The following CASP6 variants were observed in gnomAD, a reference collection of about 807,000 sequenced individuals.
CASP6 encodes caspase-6.
In CASP6, 20 loss-of-function variants were observed where a neutral mutation model predicts 31.8. The ratio of observed to expected loss-of-function variants is 0.63; its 90% confidence interval spans 0.44 to 0.91. The LOEUF is 0.91. Among genes scored for constraint, CASP6 ranks in the 40% least tolerant of loss-of-function variants. The probability of loss-of-function intolerance (pLI) is 0.00; values close to 1 mark genes in which losing one functional copy is unlikely to be tolerated. For synonymous variants in CASP6, 130 were observed against 127.8 expected, an observed-to-expected ratio of 1.02 and a Z score of -0.12; for missense variants, 328 against 361.1, an observed-to-expected ratio of 0.91 and a Z score of 0.74.
the CASP6 span, chr4:109,664,496 C>T: frequency 1.7e-6 from 1 of 587,236 alleles, no homozygotes. Flanking sequence ...GTCGTCATAG[C>T]TCACTGTAAT....
At chr4:109,697,849 A>G in intron 2 of CASP6, 81 bp from the exon 3 acceptor site, 1 of 1,484,684 alleles carries the variant, frequency 6.7e-7, no homozygotes, top group Non-Finnish European at 9.1e-7. Context: ...CAACATGTAG[A>G]TAGAGATCTG....
upstream of CASP6, chr4:109,703,465 C>T: frequency 6.4e-7 from 1 of 1,560,448 alleles, no homozygotes. Flanking sequence ...GGCCCGGCCC[C>T]GCCCTCGGCC....
upstream of CASP6, among the ~76,000 whole-genome samples, chr4:109,705,355 G>A (rs1055244049): frequency 5.3e-5 from 8 of 152,182 alleles, no homozygotes; most frequent in African/African-American, 1.9e-4. Context: ...ACTCCTCATT[G>A]ACAATACACC....
At chr4:109,703,669 C>T (rs1730509435), upstream of CASP6, 1 of 532,246 alleles carries the variant, frequency 1.9e-6, no homozygotes, top group Non-Finnish European at 3.3e-6. Flanking sequence ...CCCGCTGGGA[C>T]TAACCGTGCC....
chr4:109,709,198 A>C, the CASP6 span, among the ~76,000 whole-genome samples: 4 of 152,234 alleles, frequency 2.6e-5, no homozygotes, highest in African/African-American at 9.6e-5. Flanking sequence ...CAGTATCATC[A>C]TCTGAGAACT....
chr4:109,667,678 T>A, the CASP6 span, among the ~76,000 whole-genome samples: 2 of 150,568 alleles, frequency 1.3e-5, no homozygotes, highest in East Asian at 3.9e-4. Flanking sequence ...ATATTTATTA[T>A]CTCTTTTCTT....
At chr4:109,704,698 G>T (rs1010129317), upstream of CASP6, among the ~76,000 whole-genome samples, 1 of 152,216 alleles carries the variant, frequency 6.6e-6, no homozygotes, top group Non-Finnish European at 1.5e-5. Flanking sequence ...CATTGATAAA[G>T]GCAGCTACAC....
At chr4:109,694,293 C>T (rs775635572) in intron 5 of CASP6, among the ~76,000 whole-genome samples, 1 of 152,186 alleles carries the variant, frequency 6.6e-6, no homozygotes, top group African/African-American at 2.4e-5. Flanking sequence ...ACATTGGTTA[C>T]TTTGTGAGTC....
chr4:109,696,382 T>A (rs748792961), intron 4 of CASP6, 28 bp downstream of exon 4: 8 of 1,526,672 alleles, frequency 5.2e-6, no homozygotes, highest in Non-Finnish European at 7.2e-6. Context: ...TAGAGGAAGA[T>A]GAACTATATG....
chr4:109,702,678 C>T (rs1435016523), intron 1 of CASP6: 1 of 152,238 alleles, frequency 6.6e-6, no homozygotes, highest in Admixed American at 6.5e-5. Flanking sequence ...AGTTTCTAAA[C>T]TTTACCAGTA....
chr4:109,700,949 AATATTT>A (rs1320653452), intron 1 of CASP6, among the ~76,000 whole-genome samples: 13 of 152,160 alleles, frequency 8.5e-5, no homozygotes, highest in Admixed American at 4.6e-4. Context: ...ATGCCGCATT[AATATTT>A]ATTTTTTATT....
chr4:109,670,984 A>T, the CASP6 span, among the ~76,000 whole-genome samples: 1 of 152,190 alleles, frequency 6.6e-6, no homozygotes, highest in Non-Finnish European at 1.5e-5. Flanking sequence ...CCTGGTACTG[A>T]TTCTTTGCAG....
downstream of CASP6, chr4:109,688,072 T>C (rs1329525501): frequency 6.5e-6 from 1 of 152,748 alleles, no homozygotes; most frequent in African/African-American, 2.4e-5. Context: ...CTTTTTATCA[T>C]TTATCAAAAA....
upstream of CASP6, among the ~76,000 whole-genome samples, chr4:109,706,013 TATATATATATATATATATAA>T (rs1399125773): frequency 4.1e-4 from 39 of 94,556 alleles, 4 homozygotes; most frequent in African/African-American, 1.7e-3. Context: ...TATATATATA[TATATATATATATATATATAA>T]TATATATAAA....
At chr4:109,674,900 C>T in the CASP6 span, among the ~76,000 whole-genome samples, 2 of 152,204 alleles carry the variant, frequency 1.3e-5, no homozygotes, top group Non-Finnish European at 2.9e-5. Context: ...AAACATTGAA[C>T]TGAACAAATT....
At chr4:109,671,370 G>A in the CASP6 span, among the ~76,000 whole-genome samples, 1 of 151,940 alleles carries the variant, frequency 6.6e-6, no homozygotes, top group South Asian at 2.1e-4. Flanking sequence ...AGTTACACTT[G>A]TGCAATTGTC....
chr4:109,672,268 T>G, the CASP6 span, among the ~76,000 whole-genome samples: 1 of 152,218 alleles, frequency 6.6e-6, no homozygotes, highest in African/African-American at 2.4e-5. Flanking sequence ...TGCTCAGGGC[T>G]ATTTCAGAAT....
At chr4:109,687,728 A>C, downstream of CASP6, 1 of 628,188 alleles carries the variant, frequency 1.6e-6, no homozygotes, top group South Asian at 2.0e-5. Context: ...TATTGTTTGA[A>C]GTTCTCAACT....
the CASP6 span, among the ~76,000 whole-genome samples, chr4:109,672,645 T>A: frequency 6.6e-6 from 1 of 152,036 alleles, no homozygotes; most frequent in Non-Finnish European, 1.5e-5. Context: ...TGTGGGAGAG[T>A]TTCTGGAGGT....
Sources: gnomAD v4.1 joint callset for allele counts (sites outside exome capture counted in the v4.1 genomes callset) on GRCh38, gnomAD v4.1.1 for gene constraint, MANE v1.5 for transcripts, NCBI Gene and HGNC (gene_info 2026-07-23, HGNC 2026-07-21) for gene names.